The following NHEJ1 variants were observed in gnomAD, a reference collection of about 807,000 sequenced individuals.
NHEJ1 encodes non-homologous end joining factor 1.
NHEJ1 carries 22 observed loss-of-function variants against 39.4 expected under a neutral mutation model. That is an observed-to-expected ratio of 0.56 (90% CI 0.40 to 0.80). The LOEUF (loss-of-function observed/expected upper bound fraction) is 0.80, where lower values mean the gene tolerates loss of function less well. Ranked by LOEUF, NHEJ1 falls within the 30% of genes least tolerant of loss-of-function variation. NHEJ1 has a pLI of 0.00. For missense variants in NHEJ1, 329 were observed against 357.1 expected (o/e 0.92, Z 0.63); for synonymous variants, 154 against 135.6 (o/e 1.14, Z -0.94).
rs1291006575 is a variant in NHEJ1, at chr2:219,111,634, C to CACACAA, written c.589-33429_589-33428insTTGTGT. Among the ~76,000 whole-genome samples the CACACAA allele has an allele frequency of 9.8e-4, 147 of 149,716 alleles. 4 individuals carry two copies. The East Asian group carries it at 0.028, about 28-fold the overall frequency. On this transcript the variant is annotated intron_variant, in intron 5 of 7. Coordinates refer to ENST00000356853, the MANE Select transcript of NHEJ1 (RefSeq NM_024782.3). The surrounding 1 kb of genome is among the most constrained non-coding windows in gnomAD (Gnocchi z 4.1). ...AGTCTACAGTGTGAATACAGACACA[C>CACACAA]ACACACACACACACACACACACACA...
intron 5 of NHEJ1, among the ~76,000 whole-genome samples, chr2:219,098,823 C>G (rs776091812): frequency 9.2e-5 from 14 of 152,096 alleles, no homozygotes; most frequent in Non-Finnish European, 1.8e-4. Context: ...AATGAAGAAA[C>G]TAGTCAGCAT....
chr2:219,092,740 C>T (rs972240632), intron 5 of NHEJ1, among the ~76,000 whole-genome samples: 2 of 152,138 alleles, frequency 1.3e-5, no homozygotes, highest in Admixed American at 6.5e-5. Context: ...ATCAGAAAGA[C>T]CACGTAGAGC....
intron 5 of NHEJ1, among the ~76,000 whole-genome samples, chr2:219,116,278 T>C (rs898241317): frequency 2.0e-5 from 3 of 152,158 alleles, no homozygotes; most frequent in Admixed American, 6.5e-5. Flanking sequence ...TTTCTTGATT[T>C]CTTTTTTCTT....
chr2:219,153,889 G>A (rs1255197465), intron 3 of NHEJ1, among the ~76,000 whole-genome samples: 1 of 152,142 alleles, frequency 6.6e-6, no homozygotes, highest in Non-Finnish European at 1.5e-5. Context: ...TAATGTCTCT[G>A]AAAGACAATT....
At chr2:219,084,262 C>T (rs912168303) in intron 5 of NHEJ1, among the ~76,000 whole-genome samples, 1 of 152,198 alleles carries the variant, frequency 6.6e-6, no homozygotes, top group Non-Finnish European at 1.5e-5. Context: ...CCGCCTTGGC[C>T]TCCCAAAGTG....
At chr2:219,155,694 G>A (rs1574748006) in intron 3 of NHEJ1, among the ~76,000 whole-genome samples, 1 of 152,042 alleles carries the variant, frequency 6.6e-6, no homozygotes, top group African/African-American at 2.4e-5. Flanking sequence ...AGGCCGAGGT[G>A]AGCGGATCAC....
chr2:219,122,708 C>G (rs1949483275), intron 5 of NHEJ1, among the ~76,000 whole-genome samples: 1 of 152,140 alleles, frequency 6.6e-6, no homozygotes, highest in Non-Finnish European at 1.5e-5. Flanking sequence ...TCTAGAAACT[C>G]TAATCATTCC....
intron 5 of NHEJ1, among the ~76,000 whole-genome samples, chr2:219,104,697 AG>A (rs1949298394): frequency 6.7e-6 from 1 of 149,894 alleles, no homozygotes; most frequent in South Asian, 2.1e-4. Flanking sequence ...ATCTTCCAAA[AG>A]GCACCCCCCC....
chr2:219,123,972 G>A (rs1265397546), intron 5 of NHEJ1, among the ~76,000 whole-genome samples: 9 of 152,150 alleles, frequency 5.9e-5, no homozygotes, highest in South Asian at 4.1e-4. Context: ...GAATCCTGGC[G>A]GTGGGGGCAG....
chr2:219,076,911 T>C (rs375699125), intron 7 of NHEJ1, among the ~76,000 whole-genome samples: 4 of 152,206 alleles, frequency 2.6e-5, no homozygotes, highest in African/African-American at 9.6e-5. Flanking sequence ...AAATGCGATA[T>C]AAGACCCTAA....
At chr2:219,096,819 GA>G (rs1949212943) in intron 5 of NHEJ1, among the ~76,000 whole-genome samples, 1 of 152,158 alleles carries the variant, frequency 6.6e-6, no homozygotes, top group African/African-American at 2.4e-5. Flanking sequence ...GATGAGGTCA[GA>G]AAGATTATAG....
intron 3 of NHEJ1, among the ~76,000 whole-genome samples, chr2:219,148,013 C>T (rs1342182740): frequency 6.6e-6 from 1 of 152,212 alleles, no homozygotes; most frequent in Non-Finnish European, 1.5e-5. Flanking sequence ...AATCCCAACA[C>T]TTTGGAAGGC....
At chr2:219,135,199 T>G (rs1949615674) in intron 5 of NHEJ1, among the ~76,000 whole-genome samples, 1 of 152,206 alleles carries the variant, frequency 6.6e-6, no homozygotes, top group Non-Finnish European at 1.5e-5. Context: ...TATGAAACCC[T>G]TCTTCTACTA....
chr2:219,147,639 C>T lies in NHEJ1; in HGVS notation c.529+18G>A, dbSNP rs377105168. ...TTTTAACACGCCCCACCCAACTCCTCCAAGAATGTCCTCTTACCTCGAATC... is the reference window on the plus strand; with the variant it reads ...TTTTAACACGCCCCACCCAACTCCTTCAAGAATGTCCTCTTACCTCGAATC... On this transcript the variant is annotated intron_variant, in intron 4 of 7. Transcript: ENST00000356853. The T allele has an allele frequency of 1.2e-6, 2 of 1,614,122 alleles. No homozygotes were observed. Among genetic ancestry groups the T allele is most frequent in the Non-Finnish European group, 1.7e-6 (2 of 1,179,968 alleles).
Position 219,071,596 on chromosome 2 carries a change from T to C in NHEJ1, c.*4785A>G, listed in dbSNP as rs902428437. On this transcript the variant is annotated 3_prime_UTR_variant, in exon 8 of 8. Transcript: ENST00000356853. ...GCCCCTGAACCCTACTCCCCAATTC[T>C]AACTCTGCTACTGTTTTGGGCCCCA... 6.6e-6 allele frequency among the ~76,000 whole-genome samples: 1 copy of C among 152,196 alleles called. No homozygotes were observed. Among genetic ancestry groups the C allele is most frequent in the Non-Finnish European group, 1.5e-5 (1 of 68,024 alleles).
At chr2:219,158,811 C>T in intron 1 of NHEJ1, 1 of 180,586 alleles carries the variant, frequency 5.5e-6, no homozygotes, top group East Asian at 1.4e-4. Context: ...GTCATAGTGT[C>T]AGGGCCAGGA....
At chr2:219,100,510 C>G (rs892362576) in intron 5 of NHEJ1, among the ~76,000 whole-genome samples, 6 of 150,092 alleles carry the variant, frequency 4.0e-5, no homozygotes, top group African/African-American at 1.5e-4. Context: ...ACTTGGGAGA[C>G]TGAGGCATGA....
At chr2:219,100,718 C>T (rs971345166) in intron 5 of NHEJ1, among the ~76,000 whole-genome samples, 4 of 151,816 alleles carry the variant, frequency 2.6e-5, no homozygotes, top group East Asian at 3.9e-4. Context: ...CCCACAGGGA[C>T]CAAGAATCCC....
Position 219,088,868 on chromosome 2 carries a change from G to A in NHEJ1, c.589-10662C>T, listed in dbSNP as rs1034869876. 2.6e-5 allele frequency among the ~76,000 whole-genome samples: 4 copies of A among 152,104 alleles called. No homozygotes were observed. The East Asian group carries it at 7.8e-4, about 29-fold the overall frequency. On this transcript the variant is annotated intron_variant, in intron 5 of 7. Transcript: ENST00000356853. ...CACTCTGTTACCCAGGCTGGAGTGC[G>A]GTGGCGTGATCTCAGCTCACCACAA...
Sources: allele counts gnomAD v4.1 joint callset (sites outside exome capture counted in the v4.1 genomes callset), GRCh38; gene constraint gnomAD v4.1.1; non-coding constraint Gnocchi (gnomAD v3.1); transcripts MANE v1.5; gene names NCBI Gene and HGNC (gene_info 2026-07-23, HGNC 2026-07-21).